Variants in ANOS1 observed in about 807,000 individuals in gnomAD.
ANOS1 encodes the protein anosmin-1.
A neutral mutation model predicts 59.0 loss-of-function variants in ANOS1; 6 were observed. That is an observed-to-expected ratio of 0.10 (90% CI 0.06 to 0.20). ANOS1 has a LOEUF of 0.20. ANOS1 is among the 10% of genes least tolerant of loss of function. ANOS1 has a pLI of 1.00. For synonymous variants in ANOS1, 217 were observed against 223.4 expected, an observed-to-expected ratio of 0.97 and a Z score of 0.25; for missense variants, 433 against 542.3, an observed-to-expected ratio of 0.80 and a Z score of 2.00.
At chrX:8,624,796 C>T (rs961135386) in intron 2 of ANOS1, among the ~76,000 whole-genome samples, 1 of 110,016 alleles carries the variant, frequency 9.1e-6, no homozygotes, top group African/African-American at 3.3e-5. Context: ...TATATATACA[C>T]ACATGATATA....
intron 1 of ANOS1, among the ~76,000 whole-genome samples, chrX:8,701,532 A>T (rs998344946): frequency 8.9e-6 from 1 of 111,839 alleles, no homozygotes; most frequent in Admixed American, 9.6e-5. Flanking sequence ...AATCACTCCC[A>T]TTCTGTCTTC....
chrX:8,559,919 T>C (rs1335670209), intron 8 of ANOS1, among the ~76,000 whole-genome samples: 3 of 112,030 alleles, frequency 2.7e-5, no homozygotes, highest in African/African-American at 9.7e-5. Flanking sequence ...TAATCTTCCT[T>C]GGATGGCAAC....
chrX:8,639,195 T>C (rs1931619955), intron 2 of ANOS1, among the ~76,000 whole-genome samples: 1 of 111,530 alleles, frequency 9.0e-6, no homozygotes, highest in Admixed American at 9.6e-5. Flanking sequence ...ATGCCATTCA[T>C]GCCTGCTTTC....
chrX:8,576,864 G>A (rs1930336491), intron 6 of ANOS1, among the ~76,000 whole-genome samples: 1 of 111,703 alleles, frequency 9.0e-6, no homozygotes, highest in African/African-American at 3.3e-5. Context: ...CCTTTTAATG[G>A]GAAAAGTGTC....
chrX:8,579,775 C>T (rs1340303803), intron 6 of ANOS1, among the ~76,000 whole-genome samples: 1 of 111,681 alleles, frequency 9.0e-6, no homozygotes, highest in Non-Finnish European at 1.9e-5. Flanking sequence ...GACTTGAACA[C>T]CCTTAACCCC....
intron 1 of ANOS1, among the ~76,000 whole-genome samples, chrX:8,703,231 C>G (rs774171001): frequency 2.7e-5 from 3 of 112,288 alleles, no homozygotes; most frequent in East Asian, 2.8e-4. Context: ...GAGGGCAGCT[C>G]TTGGTCCTCA....
intron 6 of ANOS1, among the ~76,000 whole-genome samples, chrX:8,581,724 A>C (rs1189696365): frequency 1.8e-5 from 2 of 112,047 alleles, no homozygotes; most frequent in East Asian, 5.6e-4. Context: ...CATCAAATGT[A>C]GAAAAGAGCC....
chrX:8,665,059 C>T (rs747806335), intron 2 of ANOS1, among the ~76,000 whole-genome samples: 4 of 111,765 alleles, frequency 3.6e-5, no homozygotes, highest in African/African-American at 3.3e-5. Context: ...AGCAAGAGAA[C>T]GACAAGACAA....
chrX:8,624,104 C>T (rs1449278837), intron 2 of ANOS1, among the ~76,000 whole-genome samples: 1 of 105,536 alleles, frequency 9.5e-6, no homozygotes, highest in African/African-American at 3.5e-5. Flanking sequence ...CAACCTCCAC[C>T]TCCCAGGTTC....
chrX:8,699,668 G>A (rs1319023740), intron 2 of ANOS1, 30 bp downstream of exon 2: 14 of 1,130,990 alleles, frequency 1.2e-5, no homozygotes, highest in Non-Finnish European at 8.4e-6. Flanking sequence ...AAAGTTTTTT[G>A]CACCATTCAT....
At chrX:8,725,002 A>G (rs1197241842) in intron 1 of ANOS1, among the ~76,000 whole-genome samples, 1 of 111,705 alleles carries the variant, frequency 9.0e-6, no homozygotes, top group Non-Finnish European at 1.9e-5. Flanking sequence ...TTAAATGGAA[A>G]AGTTGAAAGG....
At chrX:8,588,302 A>G (rs976727116) in intron 4 of ANOS1, among the ~76,000 whole-genome samples, 1 of 111,536 alleles carries the variant, frequency 9.0e-6, no homozygotes, top group African/African-American at 3.3e-5. Flanking sequence ...TCAATAAATC[A>G]TGTTACAAGG....
At chrX:8,716,591 G>C (rs1309505274) in intron 1 of ANOS1, among the ~76,000 whole-genome samples, 1 of 111,937 alleles carries the variant, frequency 8.9e-6, no homozygotes, top group African/African-American at 3.2e-5. Flanking sequence ...TGGATCCACA[G>C]TGCACTCTGG....
At chrX:8,674,406 C>T (rs1303435134) in intron 2 of ANOS1, among the ~76,000 whole-genome samples, 2 of 112,047 alleles carry the variant, frequency 1.8e-5, no homozygotes, top group East Asian at 5.6e-4. Context: ...ATAAAATCAA[C>T]AAGTTTCACA....
intron 1 of ANOS1, among the ~76,000 whole-genome samples, chrX:8,718,077 AAAAT>A (rs1282873483): frequency 8.1e-5 from 9 of 111,317 alleles, no homozygotes; most frequent in African/African-American, 2.9e-4. Context: ...GTAAATAAAT[AAAAT>A]AAATAAAAAT....
At chrX:8,710,416 C>A (rs992382258) in intron 1 of ANOS1, among the ~76,000 whole-genome samples, 1 of 111,332 alleles carries the variant, frequency 9.0e-6, no homozygotes, top group Admixed American at 9.6e-5. Context: ...TCTGACCAAG[C>A]CTGTTCTCTA....
At chrX:8,704,178 C>A (rs1159785798) in intron 1 of ANOS1, among the ~76,000 whole-genome samples, 1 of 111,882 alleles carries the variant, frequency 8.9e-6, no homozygotes, top group Non-Finnish European at 1.9e-5. Flanking sequence ...GCCTCCCCAG[C>A]CATGTGGAAC....
chrX:8,562,637 T>C (rs1294759552), intron 8 of ANOS1, among the ~76,000 whole-genome samples: 1 of 112,369 alleles, frequency 8.9e-6, no homozygotes, highest in African/African-American at 3.2e-5. Context: ...CCATCTATTC[T>C]TGTTCTGGAG....
intron 13 of ANOS1, among the ~76,000 whole-genome samples, chrX:8,534,077 G>A (rs1271464609): frequency 1.8e-5 from 2 of 108,720 alleles, no homozygotes; most frequent in Admixed American, 2.0e-4. Context: ...GAAAAGCGGG[G>A]AAGAGGGAGG....
Sources: allele counts gnomAD v4.1 joint callset (sites outside exome capture counted in the v4.1 genomes callset), GRCh38; gene constraint gnomAD v4.1.1; transcripts MANE v1.5; gene names NCBI Gene and HGNC (gene_info 2026-07-23, HGNC 2026-07-21).